DOCK2: variants seen among roughly 807,000 people sequenced by gnomAD.
DOCK2 encodes dedicator of cytokinesis 2, also known as dedicator of cytokinesis protein 2.
A neutral mutation model predicts 248.9 loss-of-function variants in DOCK2; 87 were observed. The observed-to-expected ratio is 0.35, with a 90% CI of 0.29 to 0.42. DOCK2 has a LOEUF of 0.42. Ranked by LOEUF, DOCK2 falls within the 10% of genes least tolerant of loss-of-function variation. The pLI, the probability that DOCK2 is intolerant of heterozygous loss-of-function variation, is 1.00. For synonymous variants in DOCK2, 805 were observed against 821.6 expected (o/e 0.98, Z 0.35); for missense variants, 1,747 against 2,300.2 (o/e 0.76, Z 4.92).
chr5:169,888,893 G>A (rs559267280), intron 27 of DOCK2, among the ~76,000 whole-genome samples: 1 of 152,270 alleles, frequency 6.6e-6, no homozygotes, highest in South Asian at 2.1e-4. Flanking sequence ...GCATTCATGG[G>A]AAGGAATGTA....
chr5:169,898,277 G>A (rs62384856), intron 27 of DOCK2, among the ~76,000 whole-genome samples: 8 of 152,270 alleles, frequency 5.3e-5, no homozygotes, highest in South Asian at 2.1e-4. Context: ...TGGGGGCTCC[G>A]CTTGGGAAGG....
At chr5:169,653,051 C>T (rs1757892499) in intron 1 of DOCK2, among the ~76,000 whole-genome samples, 1 of 152,108 alleles carries the variant, frequency 6.6e-6, no homozygotes, top group Non-Finnish European at 1.5e-5. Flanking sequence ...TGACCTTGGG[C>T]AAGGCAAGTA....
intron 51 of DOCK2, among the ~76,000 whole-genome samples, chr5:170,082,212 G>A (rs1248779036): frequency 6.6e-6 from 1 of 152,116 alleles, no homozygotes; most frequent in Non-Finnish European, 1.5e-5. Flanking sequence ...AGCTAGGGAT[G>A]TGCAGGACCC....
chr5:169,842,379 A>G (rs1161733589), intron 27 of DOCK2, among the ~76,000 whole-genome samples: 1 of 152,022 alleles, frequency 6.6e-6, no homozygotes, highest in Admixed American at 6.6e-5. Flanking sequence ...TGTTTGAGAG[A>G]CAGAGTCTCA....
rs767154937 is a variant in DOCK2, at chr5:170,077,664, C to T, written c.4867-46C>T. On this transcript the variant is annotated intron_variant, in intron 47 of 51. Transcript: ENST00000520908. Reference sequence around the variant, plus strand: ...GAAGGTGACAGGAAGGCTGGGGCCACCTTCCCCAGGCTACAGCTGCTAACC... The same window carrying T: ...GAAGGTGACAGGAAGGCTGGGGCCATCTTCCCCAGGCTACAGCTGCTAACC... 15 of 1,607,420 alleles carry T rather than the reference C, an allele frequency of 9.3e-6. No individual in the cohort carries two copies. The East Asian group carries it at 3.4e-4, about 36-fold the overall frequency.
At chr5:169,756,260 A>C (rs577754310) in intron 23 of DOCK2, among the ~76,000 whole-genome samples, 1 of 152,292 alleles carries the variant, frequency 6.6e-6, no homozygotes, top group East Asian at 1.9e-4. Flanking sequence ...CGGGCTGTGG[A>C]GACTCCTGAT....
rs774023112 is a variant in DOCK2 at position 169,974,534 on chromosome 5, G to A, written c.2800-8534G>A. On this transcript the variant is annotated intron_variant, in intron 27 of 51. Coordinates refer to ENST00000520908, the MANE Select transcript of DOCK2 (RefSeq NM_004946.3). The stretch of plus-strand genomic sequence containing the variant: ...CCTCCTGTCAGAGACTTCACATCCT[G>A]TTGGGACACCTTTACCCACAGAAGG... Among the ~76,000 whole-genome samples the A allele has an allele frequency of 7.2e-5, 11 of 152,128 alleles. 1 individual carries two copies. The highest frequency in any genetic ancestry group is 1.3e-4 in the Non-Finnish European group (9 of 68,012).
intron 26 of DOCK2, among the ~76,000 whole-genome samples, chr5:169,829,737 C>T (rs996883541): frequency 6.6e-6 from 1 of 152,150 alleles, no homozygotes; most frequent in African/African-American, 2.4e-5. Flanking sequence ...AACAGTTTTG[C>T]AGTTGTATTT....
intron 22 of DOCK2, among the ~76,000 whole-genome samples, chr5:169,733,128 A>G (rs1239260766): frequency 2.0e-5 from 3 of 151,564 alleles, no homozygotes; most frequent in African/African-American, 2.4e-5. Context: ...CCACCCCCTG[A>G]TTTTTCTGTC....
intron 27 of DOCK2, among the ~76,000 whole-genome samples, chr5:169,852,433 G>A (rs777785191): frequency 2.8e-4 from 43 of 152,284 alleles, no homozygotes; most frequent in Non-Finnish European, 5.0e-4. Flanking sequence ...TGTGGAACTG[G>A]GGACAAGCTA....
At chr5:169,820,657 C>A (rs2113232942) in intron 26 of DOCK2, among the ~76,000 whole-genome samples, 2 of 152,200 alleles carry the variant, frequency 1.3e-5, no homozygotes, top group South Asian at 4.2e-4. Context: ...GATAAAACCA[C>A]AAAGATGGGG....
chr5:169,906,538 C>A (rs1774292974), intron 27 of DOCK2, among the ~76,000 whole-genome samples: 1 of 152,122 alleles, frequency 6.6e-6, no homozygotes, highest in South Asian at 2.1e-4. Flanking sequence ...CCCTATGTTT[C>A]CCAGGCTGGT....
At chr5:169,850,929 CT>C (rs543178661) in intron 27 of DOCK2, among the ~76,000 whole-genome samples, 55 of 152,298 alleles carry the variant, frequency 3.6e-4, no homozygotes, top group Middle Eastern at 3.4e-3. Flanking sequence ...TTCTTGCAGT[CT>C]GCGAAACTCT....
chr5:169,761,279 T>A (rs1418878204), intron 24 of DOCK2: 2 of 438,880 alleles, frequency 4.6e-6, no homozygotes, highest in Non-Finnish European at 8.3e-6. Flanking sequence ...GTGTGCTTGG[T>A]ACACGGTAAC....
chr5:169,689,241 T>C lies in DOCK2; in HGVS notation c.762-11T>C. The C allele has an allele frequency of 7.4e-6, 12 of 1,613,952 alleles. No homozygotes were observed. Among genetic ancestry groups the C allele is most frequent in the Non-Finnish European group, 9.3e-6 (11 of 1,179,876 alleles). On this transcript the variant is annotated splice_polypyrimidine_tract_variant and intron_variant, in intron 8 of 51. Transcript: ENST00000520908. ...CTTGGCAGTAACGGGCTGCCACTCT[T>C]CTTCCCACAGTGAGAACTACCTAGT... is the stretch of plus-strand genomic sequence containing the variant.
chr5:169,711,849 C>A, intron 15 of DOCK2, 86 bp from the exon 16 acceptor site: 1 of 1,430,398 alleles, frequency 7.0e-7, no homozygotes, highest in South Asian at 1.2e-5. Context: ...GTTAAATGGT[C>A]AGGCTGCTGT....
At chr5:169,683,016 A>G (rs1008337070) in intron 7 of DOCK2, among the ~76,000 whole-genome samples, 1 of 152,212 alleles carries the variant, frequency 6.6e-6, no homozygotes, top group Admixed American at 6.5e-5. Flanking sequence ...TACCAATGGT[A>G]TATAGCATTG....
rs1026760749 is a variant in DOCK2, at chr5:169,883,697, T to C, written c.2799+42845T>C. The C allele has an allele frequency of 5.8e-6, 9 of 1,551,034 alleles. No individual in the cohort carries two copies. The African/African-American group carries it at 1.2e-4, about 21-fold the overall frequency. The stretch of plus-strand genomic sequence containing the variant: ...GGAAGATGGTGCCTGGTTGCTTGAG[T>C]CTTCCCCATCACAGCCGGGTCTTCT... On this transcript the variant is annotated intron_variant, in intron 27 of 51. Coordinates refer to ENST00000520908, the MANE Select transcript of DOCK2 (RefSeq NM_004946.3).
chr5:169,937,813 G>T (rs67777), intron 27 of DOCK2, among the ~76,000 whole-genome samples: 9,222 of 152,294 alleles, frequency 0.061, 651 homozygotes, highest in African/African-American at 0.17. Context: ...CTAAAGGCAT[G>T]GATCATTCTA....
Sources: gnomAD v4.1 joint callset for allele counts (sites outside exome capture counted in the v4.1 genomes callset) on GRCh38, gnomAD v4.1.1 for gene constraint, MANE v1.5 for transcripts, NCBI Gene and HGNC (gene_info 2026-07-23, HGNC 2026-07-21) for gene names.